The following PM20D1 variants were observed in gnomAD, a reference collection of about 807,000 sequenced individuals.
The protein encoded by PM20D1 is N-fatty-acyl-amino acid synthase/hydrolase PM20D1.
A neutral mutation model predicts 53.8 loss-of-function variants in PM20D1; 53 were observed. The ratio of observed to expected loss-of-function variants is 0.98; its 90% confidence interval spans 0.79 to 1.24. The LOEUF (loss-of-function observed/expected upper bound fraction) is 1.24, where lower values mean the gene tolerates loss of function less well. PM20D1 is among the 50% of genes most tolerant of loss of function. The pLI is 0.00. For missense variants in PM20D1, 564 were observed against 616.8 expected (o/e 0.91, Z 0.91); for synonymous variants, 239 against 241.3 (o/e 0.99, Z 0.09).
chr1:205,846,956 T>G (rs908451670), intron 2 of PM20D1, among the ~76,000 whole-genome samples: 1 of 150,436 alleles, frequency 6.6e-6, no homozygotes, highest in African/African-American at 2.4e-5. Flanking sequence ...GCTTGGCTAC[T>G]GGGCATTAAT....
chr1:205,835,820 G>A (rs745986744), intron 10 of PM20D1, among the ~76,000 whole-genome samples: 3 of 152,170 alleles, frequency 2.0e-5, no homozygotes, highest in Non-Finnish European at 4.4e-5. Flanking sequence ...ACTTGTCAAT[G>A]GTGAGAGACC....
chr1:205,842,533 C>G (rs1571676611), intron 7 of PM20D1, 143 bp downstream of exon 7: 1 of 819,878 alleles, frequency 1.2e-6, no homozygotes, highest in East Asian at 2.5e-5. Context: ...ATCCCTGTGT[C>G]TTGGCTCAGC....
In PM20D1 at chr1:205,845,572, G is replaced by A. The variant is rs755977557; in HGVS notation, c.257-15C>T. 6.2e-6 allele frequency: 10 copies of A among 1,600,172 alleles called. No individual in the cohort carries two copies. Among genetic ancestry groups the A allele is most frequent in the Admixed American group, 3.3e-5 (2 of 59,942 alleles). On this transcript the variant is annotated splice_polypyrimidine_tract_variant and intron_variant, in intron 2 of 12. Transcript: ENST00000367136. ...TGTAGGAAAGACTAGAAGCAAAAAG[G>A]GCAGGAAGAGAGAACCAGGGTTAAC... is the stretch of plus-strand genomic sequence containing the variant.
At chr1:205,838,676 C>A (rs1203715007) in intron 10 of PM20D1, among the ~76,000 whole-genome samples, 1 of 152,178 alleles carries the variant, frequency 6.6e-6, no homozygotes, top group Non-Finnish European at 1.5e-5. Context: ...TCTCTCCAGA[C>A]CTGAGGTATT....
chr1:205,829,443 C>A (rs565589280), intron 12 of PM20D1, among the ~76,000 whole-genome samples: 1 of 152,302 alleles, frequency 6.6e-6, no homozygotes, highest in East Asian at 1.9e-4. Context: ...GGGAAGGCAA[C>A]TGCCCAGGGT....
At position 205,849,937 on chromosome 1, in the gene PM20D1, C is replaced by T. The variant is rs1211270469; in HGVS notation, c.136G>A (p.Glu46Lys). The part of the protein sequence containing the change: ...ASRIPSQFSK[E>K]ERVAMKEALK... ...GCCTCTTTCATCGCGACGCGTTCCT[C>T]TTTGCTGAACTGAGAAGGGATTCGC... The change falls in exon 1 of 13, where the codon GAG (glutamate) becomes AAG (lysine). Residue 46 changes from glutamate (E) to lysine (K), a missense_variant. By Grantham distance (56) the Glu-to-Lys change is moderately conservative. Transcript: ENST00000367136. 1 of 1,613,674 alleles carries T rather than the reference C, an allele frequency of 6.2e-7. No homozygotes were observed. Among genetic ancestry groups the T allele is most frequent in the Non-Finnish European group, 8.5e-7 (1 of 1,179,762 alleles).
chr1:205,844,720 T>G, intron 4 of PM20D1, 91 bp downstream of exon 4: 1 of 1,189,502 alleles, frequency 8.4e-7, no homozygotes, highest in Non-Finnish European at 1.2e-6. Context: ...ATGGAGACCT[T>G]GCTGCTGTGG....
chr1:205,841,819 C>T lies in PM20D1; in HGVS notation c.1036G>A (p.Gly346Arg), dbSNP rs11240573. 108,193 of 1,567,040 alleles carry T rather than the reference C, an allele frequency of 0.069. 4,283 individuals are homozygous for T. Among genetic ancestry groups the T allele is most frequent in the East Asian group, 0.15 (6,344 of 42,462 alleles). The stretch of plus-strand genomic sequence containing the variant: ...GGAACCAGGGATGTTACCTTGACCC[C>T]TGCTTTGAATATGGTGAGTGCCGTG... The part of the protein sequence containing the change: ...TTTALTIFKA[G>R]VKFNVIPPVA... The change falls in exon 9 of 13, where the codon GGG (glycine) becomes AGG (arginine). Residue 346 changes from glycine (G) to arginine (R), a missense_variant. By Grantham distance (125) the Gly-to-Arg change is moderately radical (BLOSUM62 -2). Transcript: ENST00000367136.
In PM20D1 at chr1:205,846,358, C is replaced by T. The variant is rs991408847; in HGVS notation, c.257-801G>A. ...CCGAGATCACACCACTGCACTCCAG[C>T]CTGGCTGACACAGCAAGACTCCAAC... On this transcript the variant is annotated intron_variant, in intron 2 of 12. Transcript: ENST00000367136. 2.0e-5 allele frequency among the ~76,000 whole-genome samples: 3 copies of T among 152,118 alleles called. No homozygotes were observed. In the East Asian group the frequency reaches 5.8e-4, roughly 29 times the overall value.
rs558305249 is a variant in PM20D1, at chr1:205,834,585, G to A, written c.1117-1819C>T. Among the ~76,000 whole-genome samples the A allele has an allele frequency of 8.5e-5, 13 of 152,294 alleles. No homozygotes were observed. In the East Asian group the frequency reaches 9.6e-4, roughly 11 times the overall value. ...AATATCCTGCTATTGGATGGGCAAAGGGGTCATCAAAGTGTATTCTCACTT... is the reference window on the plus strand; with the variant it reads ...AATATCCTGCTATTGGATGGGCAAAAGGGTCATCAAAGTGTATTCTCACTT... On this transcript the variant is annotated intron_variant, in intron 10 of 12. Coordinates refer to ENST00000367136, the MANE Select transcript of PM20D1 (RefSeq NM_152491.5).
intron 10 of PM20D1, among the ~76,000 whole-genome samples, chr1:205,838,625 T>A (rs74665200): frequency 0.01 from 1,542 of 152,326 alleles, 15 homozygotes; most frequent in South Asian, 0.03. Flanking sequence ...GAGGTTCCCA[T>A]GATGTTAATG....
intron 12 of PM20D1, 159 bp downstream of exon 12, chr1:205,830,120 AG>A (rs1213858295): frequency 1.8e-6 from 1 of 558,642 alleles, no homozygotes; most frequent in Non-Finnish European, 3.2e-6. Flanking sequence ...TCTGGCAATA[AG>A]GACAGTAGAT....
At chr1:205,847,500 G>A (rs903405179) in intron 2 of PM20D1, among the ~76,000 whole-genome samples, 3 of 117,032 alleles carry the variant, frequency 2.6e-5, no homozygotes, top group African/African-American at 6.5e-5. Flanking sequence ...GCCTGAGTAC[G>A]TGGAGTGTAT....
intron 10 of PM20D1, among the ~76,000 whole-genome samples, chr1:205,833,936 C>T (rs1656622725): frequency 6.6e-6 from 1 of 151,796 alleles, no homozygotes. Flanking sequence ...CAACCTCTGC[C>T]TCCCAGGTTC....
At position 205,840,422 on chromosome 1, in the gene PM20D1, G is replaced by A. The variant is rs1475435027; in HGVS notation, c.1045-99C>T. The A allele has an allele frequency of 6.2e-6, 7 of 1,120,412 alleles. No individual in the cohort carries two copies. The South Asian group carries it at 7.9e-5, about 13-fold the overall frequency. 69.4% of individuals were successfully genotyped at this position (1,120,412 alleles called of 1,614,324 possible). On this transcript the variant is annotated intron_variant, in intron 9 of 12. Coordinates refer to ENST00000367136, the MANE Select transcript of PM20D1 (RefSeq NM_152491.5). ...AATTTCCTCAGCTCAGGCAGAGTTG[G>A]CTGATTTGACTTAAGGACCCAAGGC...
chr1:205,843,015 C>G (rs562842000), intron 6 of PM20D1, among the ~76,000 whole-genome samples: 6 of 152,278 alleles, frequency 3.9e-5, no homozygotes, highest in African/African-American at 1.2e-4. Context: ...ACTCTCATAG[C>G]CCATCCCATA....
rs1235283008 is a variant in PM20D1 at position 205,844,914 on chromosome 1, C to A, written c.490-17G>T. Reference sequence around the variant, plus strand: ...CAGTAATGCCTGGGGTTCAGAAGCACAATGGAAGAGGAAAAAGACGTTATT... The same window carrying A: ...CAGTAATGCCTGGGGTTCAGAAGCAAAATGGAAGAGGAAAAAGACGTTATT... On this transcript the variant is annotated splice_polypyrimidine_tract_variant and intron_variant, in intron 3 of 12. Coordinates refer to ENST00000367136, the MANE Select transcript of PM20D1 (RefSeq NM_152491.5). The A allele has an allele frequency of 6.2e-7, 1 of 1,607,914 alleles. No individual in the cohort carries two copies. The highest frequency in any genetic ancestry group is 8.5e-7 in the Non-Finnish European group (1 of 1,175,522).
intron 6 of PM20D1, 139 bp from the exon 7 acceptor site, chr1:205,842,890 A>G: frequency 1.5e-6 from 1 of 680,030 alleles, no homozygotes; most frequent in Non-Finnish European, 2.6e-6. Context: ...TCCCACCTCC[A>G]CCAACTCAAC....
In PM20D1 at chr1:205,843,657, A is replaced by G. The variant is rs757646228; in HGVS notation, c.827+10T>C. On this transcript the variant is annotated intron_variant, in intron 6 of 12. Coordinates refer to ENST00000367136, the MANE Select transcript of PM20D1 (RefSeq NM_152491.5). Reference sequence around the variant, plus strand: ...AGTCTGGCATGGGAACAGGGCCAGGAGTTGCTTACCGGCTGACAGCAGCTG... The same window carrying G: ...AGTCTGGCATGGGAACAGGGCCAGGGGTTGCTTACCGGCTGACAGCAGCTG... 1.9e-6 allele frequency: 3 copies of G among 1,612,482 alleles called. No homozygotes were observed. In the South Asian group the frequency reaches 3.3e-5, roughly 18 times the overall value.
Sources: gnomAD v4.1 joint callset for allele counts (sites outside exome capture counted in the v4.1 genomes callset) on GRCh38, gnomAD v4.1.1 for gene constraint, MANE v1.5 for transcripts, NCBI Gene and HGNC (gene_info 2026-07-23, HGNC 2026-07-21) for gene names.